Variants in CACNA1A observed in about 807,000 individuals in gnomAD.
CACNA1A encodes the protein voltage-dependent P/Q-type calcium channel subunit alpha-1A.
In CACNA1A, 57 loss-of-function variants were observed where a neutral mutation model predicts 262.4. The ratio of observed to expected loss-of-function variants is 0.22; its 90% CI spans 0.18 to 0.27. The LOEUF is 0.27. CACNA1A is among the 10% of genes least tolerant of loss of function. The pLI is 1.00. For missense variants in CACNA1A, 2,526 were observed against 3,562.8 expected (o/e 0.71, Z 7.41); for synonymous variants, 1,431 against 1,419.3 (o/e 1.01, Z -0.18).
chr19:13,385,418 C>T (rs1275076659), intron 3 of CACNA1A, among the ~76,000 whole-genome samples: 3 of 151,830 alleles, frequency 2.0e-5, no homozygotes, highest in Admixed American at 1.3e-4. Flanking sequence ...TTAGTAGAGA[C>T]GGGGTTTCAC....
At position 13,376,778 on chromosome 19, in the gene CACNA1A, TAA is replaced by T. The variant is rs2059418256; in HGVS notation, c.540-5001_540-5000del. Among the ~76,000 whole-genome samples the T allele has an allele frequency of 4.4e-5, 5 of 112,620 alleles. 1 individual carries two copies. Among genetic ancestry groups the T allele is most frequent in the African/African-American group, 1.9e-4 (5 of 25,646 alleles). The allele number at this position is 112,620 out of a possible 152,430, so 73.9% of individuals were successfully genotyped here. On this transcript the variant is annotated intron_variant, in intron 3 of 46. Transcript: ENST00000360228. ...TGTTATATGTGACATATATAACACA[TAA>T]TATATGTGACATATATACACATAAT...
At chr19:13,327,811 G>A (rs927031631) in intron 10 of CACNA1A, among the ~76,000 whole-genome samples, 2 of 152,090 alleles carry the variant, frequency 1.3e-5, no homozygotes, top group African/African-American at 2.4e-5. Context: ...GACCTTAAGC[G>A]ATCTACCCGC....
intron 4 of CACNA1A, among the ~76,000 whole-genome samples, chr19:13,368,986 C>T (rs995281913): frequency 9.4e-4 from 114 of 121,728 alleles, no homozygotes; most frequent in Non-Finnish European, 1.8e-4. Flanking sequence ...TGCAGTGAGC[C>T]GAGATCTCGC....
chr19:13,460,586 CAA>C (rs995495436), intron 1 of CACNA1A, among the ~76,000 whole-genome samples: 3 of 152,254 alleles, frequency 2.0e-5, no homozygotes, highest in African/African-American at 7.2e-5. Flanking sequence ...AAAGCAAAAA[CAA>C]AGTCCTTCCA....
intron 1 of CACNA1A, among the ~76,000 whole-genome samples, chr19:13,482,473 A>C: frequency 3.1e-5 from 4 of 128,350 alleles, no homozygotes; most frequent in African/African-American, 1.1e-4. Context: ...ACAGAGTGAG[A>C]CTCCGTCTCA....
Position 13,207,669 on chromosome 19 carries a change from G to C in CACNA1A, c.7165C>G (p.Arg2389Gly), listed in dbSNP as rs987861675. 3 of 1,431,536 alleles carry C rather than the reference G, an allele frequency of 2.1e-6. No homozygotes were observed. 88.7% of individuals were successfully genotyped at this position (1,431,536 alleles called of 1,614,324 possible). A position where few individuals can be genotyped will look rare whatever the true frequency, so the allele number is the denominator to read the frequency against. ...SPRACRHGGA[R>G]WPASGPHVSE... ...ACGTGCGGGCCAGATGCCGGCCACC[G>C]GGCCCCGCCGTGTCGACAGGCCCTG... Residue 2389 changes from arginine (R) to glycine (G), a missense_variant, in exon 47 of 47, where the codon CGG (arginine) becomes GGG (glycine). Coordinates refer to ENST00000360228, the MANE Select transcript of CACNA1A (RefSeq NM_001127222.2). The surrounding 1 kb of genome is among the most constrained non-coding windows in gnomAD (Gnocchi z 5.7).
intron 3 of CACNA1A, among the ~76,000 whole-genome samples, chr19:13,397,926 T>C (rs1056078999): frequency 1.3e-5 from 2 of 152,116 alleles, no homozygotes; most frequent in Non-Finnish European, 2.9e-5. Context: ...CCTGGGCCCC[T>C]GACTTACTGC....
chr19:13,433,147 G>C (rs1455317693), intron 3 of CACNA1A, among the ~76,000 whole-genome samples: 9 of 151,860 alleles, frequency 5.9e-5, no homozygotes, highest in Non-Finnish European at 1.3e-4. Context: ...CAAAAAATTA[G>C]CCAGGCGAGG....
rs1457620779 is a variant in CACNA1A, at chr19:13,207,349, G to C, written c.7485C>G (p.His2495Gln). 2.6e-6 allele frequency: 4 copies of C among 1,560,282 alleles called. No homozygotes were observed. Among genetic ancestry groups the C allele is most frequent in the South Asian group, 2.3e-5 (2 of 86,722 alleles). Residue 2495 changes from histidine to glutamine, a missense_variant, in exon 47 of 47, where the codon CAC becomes CAG. Physicochemically the swap from His to Gln is conservative, Grantham distance 24. This residue lies in a region of CACNA1A where 929 missense variants were observed against 868.1 expected (regional missense o/e 1.07). Transcript: ENST00000360228. This position sits in a 1 kb window ranked among gnomAD's most constrained non-coding sequence, Gnocchi z 5.7. ...PRGPGSRKGL[H>Q]EPYSESDDDW... ...CATCGTCACTCTCGCTGTAGGGTTCGTGCAGGCCCTTCCTGGAGCCCGGCC... is the reference window on the plus strand; with the variant it reads ...CATCGTCACTCTCGCTGTAGGGTTCCTGCAGGCCCTTCCTGGAGCCCGGCC...
At chr19:13,225,038 G>T in intron 37 of CACNA1A, 1 of 398,122 alleles carries the variant, frequency 2.5e-6, no homozygotes, top group Non-Finnish European at 4.6e-6. Flanking sequence ...GCATTTCCAG[G>T]GTTTGCCTCA....
chr19:13,233,375 G>C (rs920748713), intron 34 of CACNA1A, among the ~76,000 whole-genome samples: 4 of 152,154 alleles, frequency 2.6e-5, no homozygotes, highest in African/African-American at 9.7e-5. Flanking sequence ...ACAGCATGAA[G>C]TTTATCAATT....
At chr19:13,275,638 G>C (rs1429170439) in intron 24 of CACNA1A, 2 of 576,006 alleles carry the variant, frequency 3.5e-6, no homozygotes, top group African/African-American at 3.8e-5. Flanking sequence ...TAGAAGGTTG[G>C]CAGGAGGGGG....
intron 1 of CACNA1A, among the ~76,000 whole-genome samples, chr19:13,495,427 G>C (rs1006239220): frequency 6.6e-6 from 1 of 152,082 alleles, no homozygotes; most frequent in Non-Finnish European, 1.5e-5. Flanking sequence ...CTCCCAGGTA[G>C]CTGGGACTAC....
intron 1 of CACNA1A, among the ~76,000 whole-genome samples, chr19:13,500,855 C>T (rs986375760): frequency 6.6e-6 from 1 of 152,154 alleles, no homozygotes; most frequent in Admixed American, 6.5e-5. Context: ...CTGCTCAACA[C>T]CAAAAAGGAA....
intron 1 of CACNA1A, among the ~76,000 whole-genome samples, chr19:13,464,785 T>G (rs973811582): frequency 2.7e-4 from 41 of 152,100 alleles, no homozygotes; most frequent in African/African-American, 9.4e-4. Context: ...CCTGACCTTG[T>G]GATCTGCCCA....
At chr19:13,336,431 CAGA>C in intron 6 of CACNA1A, among the ~76,000 whole-genome samples, 1 of 152,016 alleles carries the variant, frequency 6.6e-6, no homozygotes. Flanking sequence ...AAAAAATTCT[CAGA>C]AGTTTCAGCT....
chr19:13,304,066 C>T (rs2057847098), intron 15 of CACNA1A, among the ~76,000 whole-genome samples, 182 bp from the exon 16 acceptor site: 1 of 151,932 alleles, frequency 6.6e-6, no homozygotes, highest in Admixed American at 6.6e-5. Context: ...TCTTTGTTTG[C>T]GAGTAGAAAG....
intron 1 of CACNA1A, among the ~76,000 whole-genome samples, chr19:13,478,049 T>C (rs578130771): frequency 5.9e-5 from 9 of 152,312 alleles, no homozygotes; most frequent in Admixed American, 5.9e-4. Context: ...TTCGTCTCTC[T>C]GTTCTTGGAA....
chr19:13,477,612 G>A (rs1050084248), intron 1 of CACNA1A, among the ~76,000 whole-genome samples: 3 of 152,170 alleles, frequency 2.0e-5, no homozygotes, highest in Admixed American at 6.5e-5. Flanking sequence ...TATTCACACA[G>A]CAAAGATGGA....
Sources: allele counts gnomAD v4.1 joint callset (sites outside exome capture counted in the v4.1 genomes callset), GRCh38; gene constraint gnomAD v4.1.1; regional missense constraint gnomAD v4.1.1; non-coding constraint Gnocchi (gnomAD v3.1); transcripts MANE v1.5; gene names NCBI Gene and HGNC (gene_info 2026-07-23, HGNC 2026-07-21).